The following SPEG variants were observed in gnomAD, a reference collection of about 807,000 sequenced individuals.
The protein encoded by SPEG is striated muscle preferentially expressed protein kinase.
A neutral mutation model predicts 300.4 loss-of-function variants in SPEG; 114 were observed. The observed-to-expected ratio is 0.38, with a 90% CI of 0.33 to 0.44. SPEG has a LOEUF of 0.44. Among genes scored for constraint, SPEG ranks in the 20% least tolerant of loss-of-function variants. The pLI, the probability that SPEG is intolerant of heterozygous loss-of-function variation, is 1.00. For missense variants in SPEG, 4,201 were observed against 4,586.2 expected (o/e 0.92, Z 2.43); for synonymous variants, 1,964 against 2,018.9 (o/e 0.97, Z 0.73).
At chr2:219,491,343 A>G (rs1375523178) in intron 38 of SPEG, among the ~76,000 whole-genome samples, 3 of 152,216 alleles carry the variant, frequency 2.0e-5, no homozygotes, top group African/African-American at 4.8e-5. Context: ...GTGGTTCTAC[A>G]GGCCACACTT....
At position 219,448,410 on chromosome 2, in the gene SPEG, G is replaced by A. The variant is rs1174206878; in HGVS notation, c.1252G>A (p.Asp418Asn). Residue 418 changes from aspartate to asparagine, a missense_variant, in exon 4 of 41, where the codon GAC becomes AAC. Asp to Asn is a conservative substitution (Grantham distance 23). Around this residue, in one of 4 missense-constraint regions of SPEG, gnomAD observed 1,258 missense variants for 1,293.9 expected, o/e 0.97. Coordinates refer to ENST00000312358, the MANE Select transcript of SPEG (RefSeq NM_005876.5). ...EERRRSLERS[D>N]SPPAPLRPWV... ...GCGACGGCGCAGCCTGGAGCGCAGC[G>A]ACTCGCCGCCGGCGCCCCTGCGGCC... 5 of 1,528,956 alleles carry A rather than the reference G, an allele frequency of 3.3e-6. No homozygotes were observed. Among genetic ancestry groups the A allele is most frequent in the South Asian group, 1.2e-5 (1 of 82,620 alleles). The allele number at this position is 1,528,956 out of a possible 1,614,324, so 94.7% of individuals were successfully genotyped here.
At position 219,483,396 on chromosome 2, in the gene SPEG, G is replaced by A; in HGVS notation, c.5933G>A (p.Arg1978Lys). 6.3e-7 allele frequency: 1 copy of A among 1,595,056 alleles called. No homozygotes were observed. The highest frequency in any genetic ancestry group is 8.5e-7 in the Non-Finnish European group (1 of 1,175,230). The stretch of plus-strand genomic sequence containing the variant: ...CCCATGGACTGGCAGGAGCAGGGAA[G>A]GGCTCCCTCTCAGGACCAGGAGGCT... ...ATPMDWQEQG[R>K]APSQDQEAPS... The change falls in exon 30 of 41, where the codon AGG (arginine) becomes AAG (lysine). Residue 1978 changes from arginine to lysine, a missense_variant. By Grantham distance (26) the Arg-to-Lys change is conservative. Transcript: ENST00000312358.
At chr2:219,462,702 G>A (rs1690838940) in intron 8 of SPEG, among the ~76,000 whole-genome samples, 1 of 152,252 alleles carries the variant, frequency 6.6e-6, no homozygotes, top group African/African-American at 2.4e-5. Context: ...GATCACTTGA[G>A]GCCAGGAGTT....
In SPEG at chr2:219,484,472, T is replaced by C; in HGVS notation, c.7009T>C (p.Phe2337Leu). The change falls in exon 30 of 41, where the codon TTC (phenylalanine) becomes CTC (leucine). Residue 2337 changes from phenylalanine to leucine, a missense_variant. This residue lies in a region of SPEG where 1,578 missense variants were observed against 1,506.0 expected (regional missense o/e 1.05). Coordinates refer to ENST00000312358, the MANE Select transcript of SPEG (RefSeq NM_005876.5). ...LESEAVFEAK[F>L]KRSRESPLSL... is the part of the protein sequence containing the mutation. ...GTCGGAGGCCGTGTTCGAGGCCAAG[T>C]TCAAGCGCAGCCGCGAGTCGCCCCT... 1 of 1,610,630 alleles carries C rather than the reference T, an allele frequency of 6.2e-7. No individual in the cohort carries two copies. The highest frequency in any genetic ancestry group is 8.5e-7 in the Non-Finnish European group (1 of 1,179,594).
At chr2:219,490,996 C>G in intron 38 of SPEG, 40 bp downstream of exon 38, 1 of 1,545,734 alleles carries the variant, frequency 6.5e-7, no homozygotes, top group Non-Finnish European at 8.8e-7. Flanking sequence ...GGACAGGGCC[C>G]TGCCAGAGAG....
chr2:219,488,342 G>A (rs1274686914), intron 32 of SPEG, 32 bp downstream of exon 32: 4 of 1,568,766 alleles, frequency 2.5e-6, no homozygotes, highest in Non-Finnish European at 3.5e-6. Context: ...CAGAGAGGGA[G>A]GCCAGCAAGT....
In SPEG at chr2:219,444,036, G is replaced by T; in HGVS notation, c.389-617G>T. ...TGCTCCTATGGAAGCGAAGTTTTCCGCTCCTGCAGAAAGCAAAGTTACGGT... is the reference window on the plus strand; with the variant it reads ...TGCTCCTATGGAAGCGAAGTTTTCCTCTCCTGCAGAAAGCAAAGTTACGGT... On this transcript the variant is annotated intron_variant, in intron 1 of 40. Coordinates refer to ENST00000312358, the MANE Select transcript of SPEG (RefSeq NM_005876.5). The surrounding 1 kb of genome is among the most constrained non-coding windows in gnomAD (Gnocchi z 7.8). 7.3e-7 allele frequency: 1 copy of T among 1,365,870 alleles called. No homozygotes were observed. The highest frequency in any genetic ancestry group is 9.8e-7 in the Non-Finnish European group (1 of 1,021,584). The allele number at this position is 1,365,870 out of a possible 1,614,324, so 84.6% of individuals were successfully genotyped here.
intron 6 of SPEG, among the ~76,000 whole-genome samples, chr2:219,454,109 C>T (rs1214684167): frequency 6.6e-6 from 1 of 152,224 alleles, no homozygotes; most frequent in African/African-American, 2.4e-5. Flanking sequence ...GCTATGGTAA[C>T]CAGGGCTGGC....
chr2:219,488,345 C>G, intron 32 of SPEG, 35 bp downstream of exon 32: 1 of 1,554,998 alleles, frequency 6.4e-7, no homozygotes, highest in East Asian at 2.3e-5. Context: ...AGAGGGAGGC[C>G]AGCAAGTGGC....
rs868704750 is a variant in SPEG at position 219,492,654 on chromosome 2, G to C, written c.9672G>C (p.Met3224Ile). The change falls in exon 41 of 41, where the codon ATG becomes ATC. Residue 3224 changes from methionine (M) to isoleucine (I), a missense_variant. Transcript: ENST00000312358. ...CATGGTTGCAGGACGCCTACCTGAT[G>C]AAGCTGCGCCGCCAGACGCTCACCT... ...AHPWLQDAYLMKLRRQTLTFT... is the reference protein window; with the variant it reads ...AHPWLQDAYLIKLRRQTLTFT... 2.5e-6 allele frequency: 4 copies of C among 1,611,168 alleles called. No individual in the cohort carries two copies. Among genetic ancestry groups the C allele is most frequent in the Non-Finnish European group, 3.4e-6 (4 of 1,180,020 alleles).
chr2:219,447,610 C>T (rs1441322608), intron 3 of SPEG, among the ~76,000 whole-genome samples: 2 of 144,008 alleles, frequency 1.4e-5, no homozygotes, highest in African/African-American at 2.5e-5. Context: ...CTCTTGTCTT[C>T]CCTCCCCACT....
intron 1 of SPEG, among the ~76,000 whole-genome samples, chr2:219,440,606 A>T (rs779914549): frequency 1.2e-4 from 16 of 138,166 alleles, no homozygotes; most frequent in Non-Finnish European, 1.7e-4. Flanking sequence ...TATTTATTTA[A>T]AGCAGAGTCT....
At chr2:219,483,026 C>A in intron 29 of SPEG, 72 bp from the exon 30 acceptor site, 1 of 1,508,002 alleles carries the variant, frequency 6.6e-7, no homozygotes, top group Non-Finnish European at 9.0e-7. Flanking sequence ...TTCCCCAGGG[C>A]TGAGGTGGGC....
chr2:219,463,392 ATTTTTTTTTTTTTTTTT>A (rs71040459), intron 8 of SPEG, among the ~76,000 whole-genome samples: 9 of 23,910 alleles, frequency 3.8e-4, no homozygotes, highest in East Asian at 2.6e-3. Flanking sequence ...CCCCACTGTG[ATTTTTTTTTTTTTTTTT>A]TTTTTTTTTT....
At chr2:219,453,589 C>T (rs57739868) in intron 6 of SPEG, among the ~76,000 whole-genome samples, 12,550 of 152,278 alleles carry the variant, frequency 0.082, 939 homozygotes, top group African/African-American at 0.2. Context: ...ATTTCCCAGC[C>T]CCTGTGTCCT....
chr2:219,442,046 C>G (rs1039920012), intron 1 of SPEG: 3 of 1,178,812 alleles, frequency 2.5e-6, no homozygotes, highest in East Asian at 3.8e-5. Context: ...GCCCCCTCCC[C>G]CGCCATGAAG....
At chr2:219,478,758 T>A (rs1443940966) in intron 22 of SPEG, among the ~76,000 whole-genome samples, 2 of 152,186 alleles carry the variant, frequency 1.3e-5, no homozygotes, top group Non-Finnish European at 2.9e-5. Context: ...ATCTTCTAGG[T>A]CATTCTCAAA....
At position 219,451,379 on chromosome 2, in the gene SPEG, A is replaced by G; in HGVS notation, c.2257+100A>G. On this transcript the variant is annotated intron_variant, in intron 5 of 40. Coordinates refer to ENST00000312358, the MANE Select transcript of SPEG (RefSeq NM_005876.5). The surrounding 1 kb of genome is among the most constrained non-coding windows in gnomAD (Gnocchi z 6.4). ...CGGACTCCTCCAAGGGAGGGGTGGG[A>G]AAGAGGGGAATTATCCCCTCCACGG... 6.9e-7 allele frequency: 1 copy of G among 1,447,856 alleles called. No homozygotes were observed. The highest frequency in any genetic ancestry group is 1.4e-5 in the South Asian group (1 of 70,894). The allele number at this position is 1,447,856 out of a possible 1,614,324, so 89.7% of individuals were successfully genotyped here. A position where few individuals can be genotyped will look rare whatever the true frequency, so the allele number is the denominator to read the frequency against.
At position 219,491,787 on chromosome 2, in the gene SPEG, C is replaced by T; in HGVS notation, c.9386-7C>T. 6.2e-7 allele frequency: 1 copy of T among 1,612,798 alleles called. No individual in the cohort carries two copies. The highest frequency in any genetic ancestry group is 8.5e-7 in the Non-Finnish European group (1 of 1,179,698). On this transcript the variant is annotated splice_polypyrimidine_tract_variant and splice_region_variant and intron_variant, in intron 38 of 40. Coordinates refer to ENST00000312358, the MANE Select transcript of SPEG (RefSeq NM_005876.5). ...GCTGGGTCAGCTTGGCCTCTGTCTC[C>T]TGTCAGCTCCGGAGATGGTGAAGGG... is the stretch of plus-strand genomic sequence containing the variant.
Sources: gnomAD v4.1 joint callset for allele counts (sites outside exome capture counted in the v4.1 genomes callset) on GRCh38, gnomAD v4.1.1 for gene constraint, gnomAD v4.1.1 regional missense constraint, Gnocchi (gnomAD v3.1) non-coding constraint, MANE v1.5 for transcripts, NCBI Gene and HGNC (gene_info 2026-07-23, HGNC 2026-07-21) for gene names.